Variants in SEL1L3 observed in about 807,000 individuals in gnomAD.
The protein encoded by SEL1L3 is protein sel-1 homolog 3.
Under a neutral mutation model 142.8 loss-of-function variants are expected in SEL1L3, and 76 were observed. The observed-to-expected ratio is 0.53, with a 90% CI of 0.44 to 0.64. The LOEUF is 0.64. SEL1L3 is among the 30% of genes least tolerant of loss of function. The probability of loss-of-function intolerance (pLI) is 0.00; values close to 1 mark genes in which losing one functional copy is unlikely to be tolerated. For synonymous variants in SEL1L3, 504 were observed against 519.6 expected (o/e 0.97, Z 0.41); for missense variants, 1,262 against 1,381.7 (o/e 0.91, Z 1.37).
intron 3 of SEL1L3, 37 bp from the exon 4 acceptor site, chr4:25,833,606 A>T: frequency 6.4e-7 from 1 of 1,567,982 alleles, no homozygotes; most frequent in Non-Finnish European, 8.6e-7. Flanking sequence ...CTGCAGATTG[A>T]TATCATCCAA....
chr4:25,782,316 T>G lies in SEL1L3; in HGVS notation c.2383A>C (p.Asn795His). Residue 795 changes from asparagine to histidine, a missense_variant, in exon 15 of 24, where the codon AAC becomes CAC. This residue lies in a region of SEL1L3 where 435 missense variants were observed against 559.2 expected (regional missense o/e 0.78). Coordinates refer to ENST00000399878, the MANE Select transcript of SEL1L3 (RefSeq NM_015187.5). ...KYWLKAEEMGNPDASYNLGVL... is the reference protein window; with the variant it reads ...KYWLKAEEMGHPDASYNLGVL... ...CCAAGATTGTATGACGCATCTGGGTTCCCCATTTCTTCTGCTTTTAACCAG... is the reference window on the plus strand; with the variant it reads ...CCAAGATTGTATGACGCATCTGGGTGCCCCATTTCTTCTGCTTTTAACCAG... 2 of 1,613,940 alleles carry G rather than the reference T, an allele frequency of 1.2e-6. No individual in the cohort carries two copies. Among genetic ancestry groups the G allele is most frequent in the South Asian group, 1.1e-5 (1 of 91,082 alleles).
chr4:25,733,929 A>G, the SEL1L3 span, among the ~76,000 whole-genome samples: 2 of 152,168 alleles, frequency 1.3e-5, no homozygotes, highest in African/African-American at 4.8e-5. Flanking sequence ...TGTTGCCATT[A>G]AGTATAATGT....
intron 2 of SEL1L3, among the ~76,000 whole-genome samples, chr4:25,840,392 AT>A (rs545256390): frequency 1.3e-5 from 2 of 152,126 alleles, no homozygotes; most frequent in South Asian, 2.1e-4. Context: ...TGCATAAACC[AT>A]TTTTTTTCAC....
intron 10 of SEL1L3, among the ~76,000 whole-genome samples, 160 bp downstream of exon 10, chr4:25,804,381 C>T (rs1374067091): frequency 6.6e-6 from 1 of 152,160 alleles, no homozygotes; most frequent in Non-Finnish European, 1.5e-5. Flanking sequence ...AGCAAAGGAT[C>T]CTGTATTTAA....
intron 3 of SEL1L3, 129 bp from the exon 4 acceptor site, chr4:25,833,698 T>TA: frequency 1.3e-6 from 1 of 747,710 alleles, no homozygotes; most frequent in Non-Finnish European, 2.0e-6. Flanking sequence ...GCGTTCATCA[T>TA]GGGAGATCAG....
chr4:25,755,741 C>A (rs948897096), intron 23 of SEL1L3, among the ~76,000 whole-genome samples: 1 of 152,050 alleles, frequency 6.6e-6, no homozygotes, highest in East Asian at 1.9e-4. Context: ...CAATTCCACC[C>A]GCCCATGAAT....
chr4:25,847,270 T>C, intron 2 of SEL1L3, 24 bp downstream of exon 2: 6 of 1,571,126 alleles, frequency 3.8e-6, no homozygotes, highest in Non-Finnish European at 5.2e-6. Context: ...GAGAATTAGG[T>C]TCCTAGCAAG....
intron 9 of SEL1L3, among the ~76,000 whole-genome samples, chr4:25,810,241 G>A (rs1713927511): frequency 6.6e-6 from 1 of 152,190 alleles, no homozygotes; most frequent in African/African-American, 2.4e-5. Flanking sequence ...CCTTAGGGCA[G>A]ATGTCCCTGG....
rs1201104626 is a variant in SEL1L3 at position 25,862,933 on chromosome 4, G to C, written c.-97C>G. 1.1e-5 allele frequency: 10 copies of C among 870,050 alleles called. No homozygotes were observed. In the Admixed American group the frequency reaches 5.2e-4, roughly 45 times the overall value. The allele number at this position is 870,050 out of a possible 1,614,324, so 53.9% of individuals were successfully genotyped here. ...CTTCCCGCCCGCCCCCGGCCGGGCC[G>C]GCCGCCGCGCGCGGGGCCACCTGCC... On this transcript the variant is annotated 5_prime_UTR_variant, in exon 1 of 24. Coordinates refer to ENST00000399878, the MANE Select transcript of SEL1L3 (RefSeq NM_015187.5).
At chr4:25,830,331 T>C (rs142187100) in intron 5 of SEL1L3, among the ~76,000 whole-genome samples, 175 bp from the exon 6 acceptor site, 1,575 of 152,338 alleles carry the variant, frequency 0.01, 27 homozygotes, top group African/African-American at 0.036. Flanking sequence ...ATTTCATACA[T>C]TTAACTTCCC....
chr4:25,803,664 A>T (rs941213974), intron 10 of SEL1L3, among the ~76,000 whole-genome samples: 2 of 152,240 alleles, frequency 1.3e-5, no homozygotes, highest in Admixed American at 1.3e-4. Context: ...AATGGGCATC[A>T]TCCAATCTCT....
intron 20 of SEL1L3, among the ~76,000 whole-genome samples, chr4:25,761,241 C>T (rs1250014043): frequency 2.0e-5 from 3 of 147,336 alleles, no homozygotes; most frequent in Admixed American, 1.3e-4. Flanking sequence ...GTGCATCGTC[C>T]GCCTCCTGGG....
In SEL1L3 at chr4:25,789,863, C is replaced by T. The variant is rs767173164; in HGVS notation, c.2076+592G>A. Among the ~76,000 whole-genome samples the T allele has an allele frequency of 4.5e-4, 69 of 152,266 alleles. 2 individuals are homozygous for T. Among genetic ancestry groups the T allele is most frequent in the Non-Finnish European group, 3.8e-4 (26 of 68,008 alleles). Reference sequence around the variant, plus strand: ...CAGGGAAGCAGAGAGGGTGCTTCCCCAGCCGTCTGCCCTTTCTCGTACCTC... The same window carrying T: ...CAGGGAAGCAGAGAGGGTGCTTCCCTAGCCGTCTGCCCTTTCTCGTACCTC... On this transcript the variant is annotated intron_variant, in intron 12 of 23. Coordinates refer to ENST00000399878, the MANE Select transcript of SEL1L3 (RefSeq NM_015187.5).
chr4:25,727,210 G>A, the SEL1L3 span, among the ~76,000 whole-genome samples: 28 of 152,038 alleles, frequency 1.8e-4, no homozygotes, highest in African/African-American at 4.8e-4. Flanking sequence ...GTGCCACTAC[G>A]CCCAGCTAAT....
the SEL1L3 span, among the ~76,000 whole-genome samples, chr4:25,715,644 A>G: frequency 7.0e-6 from 1 of 142,060 alleles, no homozygotes; most frequent in Non-Finnish European, 1.5e-5. Flanking sequence ...CATTGTTTGT[A>G]ACAACAAAAT....
In SEL1L3 at chr4:25,748,388, G is replaced by T; in HGVS notation, c.*37C>A. The T allele has an allele frequency of 1.9e-6, 3 of 1,572,766 alleles. No homozygotes were observed. The highest frequency in any genetic ancestry group is 2.6e-6 in the Non-Finnish European group (3 of 1,156,854). On this transcript the variant is annotated 3_prime_UTR_variant, in exon 24 of 24. Transcript: ENST00000399878. ...GCTTCCCAATACCAGCTGTTGAAAAGATTCTCTCTCATCTGGAGAGAACTG... is the reference window on the plus strand; with the variant it reads ...GCTTCCCAATACCAGCTGTTGAAAATATTCTCTCTCATCTGGAGAGAACTG...
the SEL1L3 span, chr4:25,720,144 T>C: frequency 2.0e-5 from 3 of 152,280 alleles, no homozygotes; most frequent in African/African-American, 7.2e-5. Flanking sequence ...AAGTCAAGCC[T>C]GGGATTAAAA....
At chr4:25,775,225 G>A (rs1247352814) in intron 17 of SEL1L3, among the ~76,000 whole-genome samples, 1 of 152,226 alleles carries the variant, frequency 6.6e-6, no homozygotes, top group East Asian at 1.9e-4. Context: ...TGTGCAAAGT[G>A]AGGCCACAGG....
the SEL1L3 span, among the ~76,000 whole-genome samples, chr4:25,721,293 G>A: frequency 1.3e-5 from 2 of 151,986 alleles, no homozygotes; most frequent in East Asian, 1.9e-4. Flanking sequence ...GATATGGTGC[G>A]GATTAACCCA....
Sources: gnomAD v4.1 joint callset for allele counts (sites outside exome capture counted in the v4.1 genomes callset) on GRCh38, gnomAD v4.1.1 for gene constraint, gnomAD v4.1.1 regional missense constraint, MANE v1.5 for transcripts, NCBI Gene and HGNC (gene_info 2026-07-23, HGNC 2026-07-21) for gene names.